The following SGSM3 variants were observed in gnomAD, a reference collection of about 807,000 sequenced individuals.
SGSM3 encodes the protein RUN and SH3 containing 3.
In SGSM3, 96 loss-of-function variants were observed where a neutral mutation model predicts 100.5. The ratio of observed to expected loss-of-function variants is 0.96; its 90% CI spans 0.81 to 1.13. The LOEUF is 1.13. SGSM3 is among the 50% of genes most tolerant of loss of function. SGSM3 has a pLI of 0.00. For missense variants in SGSM3, 1,001 were observed against 1,015.8 expected (o/e 0.99, Z 0.20); for synonymous variants, 483 against 422.8 (o/e 1.14, Z -1.75).
intron 1 of SGSM3, among the ~76,000 whole-genome samples, chr22:40,372,400 C>CA: frequency 6.6e-6 from 1 of 152,170 alleles, no homozygotes. Context: ...GCTGGGATTA[C>CA]AGGCGTGAGC....
chr22:40,394,235 C>T (rs965518485), intron 1 of SGSM3, among the ~76,000 whole-genome samples: 8 of 152,206 alleles, frequency 5.3e-5, no homozygotes, highest in Non-Finnish European at 7.3e-5. Flanking sequence ...GGAGTCTGAT[C>T]GGCCTCCCAG....
At chr22:40,391,545 A>G (rs981018730) in intron 1 of SGSM3, among the ~76,000 whole-genome samples, 1 of 152,190 alleles carries the variant, frequency 6.6e-6, no homozygotes, top group Non-Finnish European at 1.5e-5. Context: ...TGGGAGTTCA[A>G]GGCTGCAGTG....
In SGSM3 at chr22:40,409,739, A is replaced by G; in HGVS notation, c.2230A>G (p.Ser744Gly). 6.2e-7 allele frequency: 1 copy of G among 1,610,606 alleles called. No homozygotes were observed. The highest frequency in any genetic ancestry group is 2.2e-5 in the East Asian group (1 of 44,850). Residue 744 changes from serine (S) to glycine (G), a missense_variant, in exon 22 of 22, where the codon AGC (serine) becomes GGC (glycine). Transcript: ENST00000248929. ...RDMLVKHHLF[S>G]WDVDG ...CATGCTGGTGAAGCACCACCTCTTC[A>G]GCTGGGATGTGGACGGGTGACCCCC...
chr22:40,383,030 A>G (rs1039131736), intron 1 of SGSM3, among the ~76,000 whole-genome samples: 3 of 152,170 alleles, frequency 2.0e-5, no homozygotes, highest in African/African-American at 7.2e-5. Flanking sequence ...AAAACAGGTA[A>G]TTAAATATCT....
intron 16 of SGSM3, 83 bp downstream of exon 16, chr22:40,408,512 C>T: frequency 6.3e-7 from 1 of 1,590,748 alleles, no homozygotes; most frequent in Non-Finnish European, 8.6e-7. Flanking sequence ...TCCTTCCTGC[C>T]CCACAGAGAG....
In SGSM3 at chr22:40,409,501, C is replaced by G. The variant is rs771622317; in HGVS notation, c.2148C>G (p.Asp716Glu). The G allele has an allele frequency of 1.3e-6, 2 of 1,594,606 alleles. No individual in the cohort carries two copies. The highest frequency in any genetic ancestry group is 1.7e-6 in the Non-Finnish European group (2 of 1,170,208). Reference protein sequence around the residue: ...LCCFAFSLSQDWELPAKREAQ... With the variant: ...LCCFAFSLSQEWELPAKREAQ... ...GCTTTGCCTTCAGCCTCTCCCAGGA[C>G]TGGGAGCTCCCTGCGAAGAGAGAGG... Residue 716 changes from aspartate to glutamate, a missense_variant, in exon 21 of 22, where the codon GAC (aspartate) becomes GAG (glutamate). Coordinates refer to ENST00000248929, the MANE Select transcript of SGSM3 (RefSeq NM_015705.6).
rs1305568869 is a variant in SGSM3 at position 40,407,333 on chromosome 22, G to C, written c.1368+5G>C. On this transcript the variant is annotated splice_donor_5th_base_variant and intron_variant, in intron 12 of 21. Transcript: ENST00000248929. The surrounding 1 kb of genome is among the most constrained non-coding windows in gnomAD (Gnocchi z 4.7). Reference sequence around the variant, plus strand: ...GACCCCAAAAACTGCAGCGTGGTGAGTCGCCAGCTCCCTGGGCTGCTACCA... The same window carrying C: ...GACCCCAAAAACTGCAGCGTGGTGACTCGCCAGCTCCCTGGGCTGCTACCA... The C allele has an allele frequency of 6.2e-7, 1 of 1,613,394 alleles. No individual in the cohort carries two copies. Among genetic ancestry groups the C allele is most frequent in the Admixed American group, 1.7e-5 (1 of 60,022 alleles).
Position 40,408,019 on chromosome 22 carries a change from C to G in SGSM3, c.1580-52C>G, listed in dbSNP as rs2051878332. ...TCAGCCTGCCTGCAGGCTGTGTCTG[C>G]TCTGTCCTCGGCCCTCGTGGTTGCT... On this transcript the variant is annotated intron_variant, in intron 14 of 21. Transcript: ENST00000248929. 4 of 1,586,844 alleles carry G rather than the reference C, an allele frequency of 2.5e-6. No homozygotes were observed. In the South Asian group the frequency reaches 3.4e-5, roughly 13 times the overall value.
At chr22:40,408,236 G>A in intron 15 of SGSM3, 41 bp from the exon 16 acceptor site, 1 of 1,610,122 alleles carries the variant, frequency 6.2e-7, no homozygotes, top group Non-Finnish European at 8.5e-7. Context: ...ACTGGCTGCA[G>A]GCGTCAGGCA....
chr22:40,396,042 T>C (rs1321893087), intron 1 of SGSM3, among the ~76,000 whole-genome samples: 2 of 152,178 alleles, frequency 1.3e-5, no homozygotes, highest in Admixed American at 1.3e-4. Context: ...TTGGTACCCT[T>C]ACCTTGAAAA....
chr22:40,385,639 G>C (rs2048294786), intron 1 of SGSM3, among the ~76,000 whole-genome samples: 1 of 152,200 alleles, frequency 6.6e-6, no homozygotes, highest in Non-Finnish European at 1.5e-5. Flanking sequence ...GTTAAAGCTG[G>C]AGTACAGTCC....
At position 40,408,683 on chromosome 22, in the gene SGSM3, C is replaced by G; in HGVS notation, c.1839C>G (p.Leu613=). ...DFASVYSRLV[L]CKTFRLDEDG... ...CCTCCGTGTATTCCCGTCTGGTGCT[C>G]TGTAAGACCTTCAGGTAACTCGGCC... is the stretch of plus-strand genomic sequence containing the variant. Residue 613 remains leucine, a synonymous_variant, in exon 17 of 22, where the codon CTC becomes CTG. Transcript: ENST00000248929. 6.2e-7 allele frequency: 1 copy of G among 1,614,056 alleles called. No homozygotes were observed. The highest frequency in any genetic ancestry group is 8.5e-7 in the Non-Finnish European group (1 of 1,180,014).
At chr22:40,375,533 T>G (rs1402652959) in intron 1 of SGSM3, among the ~76,000 whole-genome samples, 2 of 151,146 alleles carry the variant, frequency 1.3e-5, no homozygotes, top group African/African-American at 2.4e-5. Context: ...TGAGCCGAGA[T>G]CATGTCATTG....
chr22:40,402,308 C>A, intron 4 of SGSM3, 103 bp downstream of exon 4: 3 of 859,436 alleles, frequency 3.5e-6, no homozygotes, highest in Non-Finnish European at 6.0e-6. Context: ...AGCTCTGATG[C>A]GTCAGGGTTC....
chr22:40,392,867 A>T (rs145935490), intron 1 of SGSM3, among the ~76,000 whole-genome samples: 4 of 152,098 alleles, frequency 2.6e-5, no homozygotes, highest in Non-Finnish European at 5.9e-5. Context: ...CCTGGCAACC[A>T]TTCATCTACT....
Position 40,405,851 on chromosome 22 carries a change from C to A in SGSM3, c.814+7C>A. The A allele has an allele frequency of 6.2e-7, 1 of 1,602,294 alleles. No individual in the cohort carries two copies. Among genetic ancestry groups the A allele is most frequent in the Non-Finnish European group, 8.5e-7 (1 of 1,172,342 alleles). ...CTCCAGGAGCATGACATTGGTAAGG[C>A]GCCCCTGAGCCACTGGCTCCCATTC... On this transcript the variant is annotated splice_region_variant and intron_variant, in intron 8 of 21. Coordinates refer to ENST00000248929, the MANE Select transcript of SGSM3 (RefSeq NM_015705.6).
chr22:40,372,189 C>T (rs184162239), intron 1 of SGSM3, among the ~76,000 whole-genome samples: 5 of 116,178 alleles, frequency 4.3e-5, no homozygotes, highest in African/African-American at 1.0e-4. Flanking sequence ...TGCAGTGGCG[C>T]GATCTCGGCT....
intron 1 of SGSM3, among the ~76,000 whole-genome samples, chr22:40,396,034 G>T (rs9611329): frequency 0.23 from 35,352 of 151,922 alleles, 4,700 homozygotes; most frequent in Admixed American, 0.38. Context: ...ACCAGTATTT[G>T]GTACCCTTAC....
At chr22:40,376,229 G>T (rs559582568) in intron 1 of SGSM3, 2 of 120,882 alleles carry the variant, frequency 1.7e-5, no homozygotes, top group Non-Finnish European at 3.2e-5. Flanking sequence ...GAAACAGTAC[G>T]GTAGTCGGAG....
Sources: gnomAD v4.1 joint callset for allele counts (sites outside exome capture counted in the v4.1 genomes callset) on GRCh38, gnomAD v4.1.1 for gene constraint, Gnocchi (gnomAD v3.1) non-coding constraint, MANE v1.5 for transcripts, NCBI Gene and HGNC (gene_info 2026-07-23, HGNC 2026-07-21) for gene names.